Variants in RMND1 observed in about 807,000 individuals in gnomAD.
RMND1 encodes required for meiotic nuclear division protein 1 homolog.
In RMND1, 41 loss-of-function variants were observed where a neutral mutation model predicts 54.0. That is an observed-to-expected ratio of 0.76 (90% CI 0.59 to 0.98). The LOEUF is 0.98. RMND1 is among the 50% of genes least tolerant of loss of function. The probability of loss-of-function intolerance (pLI) is 0.00; values close to 1 mark genes in which losing one functional copy is unlikely to be tolerated. For missense variants in RMND1, 457 were observed against 532.0 expected, an observed-to-expected ratio of 0.86 and a Z score of 1.39; for synonymous variants, 183 against 181.7, an observed-to-expected ratio of 1.01 and a Z score of -0.06.
At chr6:151,429,921 C>G (rs1012025170) in intron 5 of RMND1, among the ~76,000 whole-genome samples, 1 of 152,134 alleles carries the variant, frequency 6.6e-6, no homozygotes, top group African/African-American at 2.4e-5. Context: ...TGATTCTCCA[C>G]AAATTAGTGT....
chr6:151,449,447 C>CAAG (rs1781063349), intron 1 of RMND1, among the ~76,000 whole-genome samples: 1 of 151,880 alleles, frequency 6.6e-6, no homozygotes, highest in Admixed American at 6.6e-5. Flanking sequence ...ACCACTTTGA[C>CAAG]AGCACTCTCC....
rs1395762678 is a variant in RMND1 at position 151,404,771 on chromosome 6, C to A, written c.*464G>T. ...ATGTAGATACAAACACTAGATTCTT[C>A]ATAATTTTATTCACACGATATACTG... On this transcript the variant is annotated 3_prime_UTR_variant, in exon 12 of 12. Transcript: ENST00000444024. 1.3e-5 allele frequency: 2 copies of A among 152,400 alleles called. No individual in the cohort carries two copies. The highest frequency in any genetic ancestry group is 1.3e-4 in the Admixed American group (2 of 15,286). The allele number at this position is 152,400 out of a possible 1,614,324, so 9.4% of individuals were successfully genotyped here.
intron 5 of RMND1, among the ~76,000 whole-genome samples, chr6:151,429,480 A>T (rs1182227860): frequency 6.6e-6 from 1 of 152,120 alleles, no homozygotes; most frequent in African/African-American, 2.4e-5. Flanking sequence ...CCAGAAATAG[A>T]TATTTTTTTA....
chr6:151,413,519 C>T (rs1056390487), intron 10 of RMND1, among the ~76,000 whole-genome samples: 2 of 152,202 alleles, frequency 1.3e-5, no homozygotes, highest in Non-Finnish European at 2.9e-5. Flanking sequence ...GGGTAACAGG[C>T]GTGAGCCACC....
At chr6:151,450,599 G>A (rs1225991977) in intron 1 of RMND1, among the ~76,000 whole-genome samples, 6 of 147,316 alleles carry the variant, frequency 4.1e-5, no homozygotes, top group South Asian at 2.2e-4. Context: ...CCCCCCGCCC[G>A]GCCAGCCGCC....
intron 8 of RMND1, 94 bp from the exon 9 acceptor site, chr6:151,421,415 T>C: frequency 1.3e-6 from 1 of 747,814 alleles, no homozygotes; most frequent in Non-Finnish European, 2.2e-6. Context: ...GTGGCATAAT[T>C]TGGATCCTAT....
At chr6:151,427,721 C>A in intron 5 of RMND1, 139 bp from the exon 6 acceptor site, 1 of 574,364 alleles carries the variant, frequency 1.7e-6, no homozygotes, top group Non-Finnish European at 3.1e-6. Flanking sequence ...AAAGGCAAAT[C>A]AAATCCATTG....
rs1423151042 is a variant in RMND1, at chr6:151,421,294, G to A, written c.1030C>T (p.Leu344=). The A allele has an allele frequency of 6.2e-7, 1 of 1,612,530 alleles. No individual in the cohort carries two copies. The highest frequency in any genetic ancestry group is 8.5e-7 in the Non-Finnish European group (1 of 1,179,310). ...TTCTGCATAACTTCTTCATGAGATA[G>A]TTTCACTTTCTTCCCAGCTTTTAAA... ...EALKAGKKVK[L]SHEEVMQKIG... is the part of the protein sequence containing the mutation. The change falls in exon 9 of 12, where the codon CTA becomes TTA. Residue 344 remains leucine (L), a synonymous_variant. Coordinates refer to ENST00000444024, the MANE Select transcript of RMND1 (RefSeq NM_017909.4).
Position 151,450,455 on chromosome 6 carries a change from G to GGGGCAGCCCCCCGCCC in RMND1, c.-15+1560_-15+1561insGGGCGGGGGGCTGCCC, listed in dbSNP as rs71014587. On this transcript the variant is annotated intron_variant, in intron 1 of 11. Transcript: ENST00000444024. Reference sequence around the variant, plus strand: ...CACCCCGTCTGGGAGGGAGGTGGGGGGGCCAGCCCCCGTCCGGGAGGAAGG... The same window carrying GGGGCAGCCCCCCGCCC: ...CACCCCGTCTGGGAGGGAGGTGGGGGGGGCAGCCCCCCGCCCGGCCAGCCCCCGTCCGGGAGGAAGG... Among the ~76,000 whole-genome samples, 6 of 89,402 alleles carry GGGGCAGCCCCCCGCCC rather than the reference G, an allele frequency of 6.7e-5. 1 individual carries two copies. Among genetic ancestry groups the GGGGCAGCCCCCCGCCC allele is most frequent in the African/African-American group, 2.0e-4 (4 of 20,166 alleles). The allele number at this position is 89,402 out of a possible 152,430, so 58.7% of individuals were successfully genotyped here.
In RMND1 at chr6:151,425,995, G is replaced by C. The variant is rs955896913; in HGVS notation, c.830+1487C>G. On this transcript the variant is annotated intron_variant, in intron 6 of 11. Coordinates refer to ENST00000444024, the MANE Select transcript of RMND1 (RefSeq NM_017909.4). ...GTCTCACTCTGTTGCACAGGCTGGA[G>C]TGCAGTGGTGCGATCTCAGGTCATG... Among the ~76,000 whole-genome samples, 5 of 149,842 alleles carry C rather than the reference G, an allele frequency of 3.3e-5. 1 individual carries two copies. Among genetic ancestry groups the C allele is most frequent in the Non-Finnish European group, 7.4e-5 (5 of 67,824 alleles).
chr6:151,430,757 A>G (rs932633288), intron 4 of RMND1, among the ~76,000 whole-genome samples: 3 of 152,202 alleles, frequency 2.0e-5, no homozygotes, highest in African/African-American at 7.2e-5. Flanking sequence ...CTACGAATGC[A>G]TTTGTTTTGA....
intron 2 of RMND1, chr6:151,436,844 A>G (rs1780629850): frequency 4.1e-6 from 1 of 241,258 alleles, no homozygotes. Context: ...TCAAGCACAG[A>G]TTGAATGCAA....
In RMND1 at chr6:151,408,303, C is replaced by T. The variant is rs558788839; in HGVS notation, c.1201-2467G>A. On this transcript the variant is annotated intron_variant, in intron 10 of 11. Coordinates refer to ENST00000444024, the MANE Select transcript of RMND1 (RefSeq NM_017909.4). ...TGAGGTCAGTTTAAGACCAGCATGG[C>T]CAACATAGCGAAACCCCGTCTCTAC... is the stretch of plus-strand genomic sequence containing the variant. Among the ~76,000 whole-genome samples, 53 of 152,112 alleles carry T rather than the reference C, an allele frequency of 3.5e-4. No individual in the cohort carries two copies. The South Asian group carries it at 0.01, about 29-fold the overall frequency.
chr6:151,412,317 ATT>A (rs60862608), intron 10 of RMND1, among the ~76,000 whole-genome samples: 13,764 of 145,596 alleles, frequency 0.095, 1,860 homozygotes, highest in African/African-American at 0.3. Context: ...TTGCTTTTTA[ATT>A]TTTTTTTTTT....
rs1253045701 is a variant in RMND1, at chr6:151,416,093, C to T, written c.1200+1186G>A. On this transcript the variant is annotated intron_variant, in intron 10 of 11. Transcript: ENST00000444024. ...TCCTGGGTTCAAGCGATTCTGCTGCCTCAGCCTCCCGAGTAGCTGGGACTA... is the reference window on the plus strand; with the variant it reads ...TCCTGGGTTCAAGCGATTCTGCTGCTTCAGCCTCCCGAGTAGCTGGGACTA... Among the ~76,000 whole-genome samples the T allele has an allele frequency of 5.2e-4, 79 of 152,076 alleles. 1 individual carries two copies. Among genetic ancestry groups the T allele is most frequent in the Non-Finnish European group, 1.0e-4 (7 of 67,980 alleles).
intron 2 of RMND1, chr6:151,444,374 A>G (rs1407190851): frequency 1.3e-5 from 2 of 152,206 alleles, no homozygotes; most frequent in African/African-American, 2.4e-5. Context: ...GTAACCACAC[A>G]AGAATTGAAA....
At chr6:151,417,193 A>G in intron 10 of RMND1, 86 bp downstream of exon 10, 1 of 1,392,478 alleles carries the variant, frequency 7.2e-7, no homozygotes, top group Non-Finnish European at 9.8e-7. Context: ...AAGTCAAACA[A>G]GATATTTCTC....
At chr6:151,416,419 GCTT>G (rs991787258) in intron 10 of RMND1, among the ~76,000 whole-genome samples, 2 of 125,532 alleles carry the variant, frequency 1.6e-5, no homozygotes, top group African/African-American at 6.0e-5. Context: ...CATCACTACA[GCTT>G]TTTTTTTTTT....
intron 6 of RMND1, 48 bp from the exon 7 acceptor site, chr6:151,423,679 T>C (rs745588049): frequency 2.3e-6 from 3 of 1,284,616 alleles, no homozygotes; most frequent in Non-Finnish European, 3.4e-6. Context: ...AAAAGCACTT[T>C]AACTTTTCCT....
Sources: gnomAD v4.1 joint callset for allele counts (sites outside exome capture counted in the v4.1 genomes callset) on GRCh38, gnomAD v4.1.1 for gene constraint, MANE v1.5 for transcripts, NCBI Gene and HGNC (gene_info 2026-07-23, HGNC 2026-07-21) for gene names.